The following ST3GAL2 variants were observed in gnomAD, a reference collection of about 807,000 sequenced individuals.
ST3GAL2 encodes the protein ST3 beta-galactoside alpha-2,3-sialyltransferase 2.
Under a neutral mutation model 37.5 loss-of-function variants are expected in ST3GAL2, and 16 were observed. The observed-to-expected ratio is 0.43, with a 90% CI of 0.29 to 0.65. The LOEUF (loss-of-function observed/expected upper bound fraction) is 0.65, where lower values mean the gene tolerates loss of function less well. Ranked by LOEUF, ST3GAL2 falls within the 30% of genes least tolerant of loss-of-function variation. The probability of loss-of-function intolerance (pLI) is 0.17; values close to 1 mark genes in which losing one functional copy is unlikely to be tolerated. For synonymous variants in ST3GAL2, 238 were observed against 202.9 expected, an observed-to-expected ratio of 1.17 and a Z score of -1.47; for missense variants, 383 against 487.8, an observed-to-expected ratio of 0.79 and a Z score of 2.02.
intron 1 of ST3GAL2, among the ~76,000 whole-genome samples, chr16:70,419,260 G>C (rs1364016736): frequency 6.6e-6 from 1 of 152,200 alleles, no homozygotes; most frequent in Non-Finnish European, 1.5e-5. Flanking sequence ...ATATGCTCCA[G>C]AACTTCAGGC....
rs796215080 is a variant in ST3GAL2 at position 70,426,194 on chromosome 16, T to G, written c.-1004+12755A>C. On this transcript the variant is annotated intron_variant, in intron 1 of 6. Transcript: ENST00000342907. ...GGGGGCCAAAGCCTTTTTTTTTTTT[T>G]TTTTTTTTTTTGTTTTTGAGACTGA... Among the ~76,000 whole-genome samples the G allele has an allele frequency of 1.1e-3, 162 of 143,552 alleles. 1 individual carries two copies. Among genetic ancestry groups the G allele is most frequent in the African/African-American group, 3.7e-3 (147 of 39,266 alleles). The allele number at this position is 143,552 out of a possible 152,430, so 94.2% of individuals were successfully genotyped here.
rs576203710 is a variant in ST3GAL2 at position 70,416,131 on chromosome 16, C to G, written c.-1003-16598G>C. 7.9e-5 allele frequency among the ~76,000 whole-genome samples: 12 copies of G among 152,218 alleles called. No individual in the cohort carries two copies. The East Asian group carries it at 2.3e-3, about 29-fold the overall frequency. ...AATCCTACCTCCACTCTCTTCCTCC[C>G]GGATGATCGCAGTGTTGGTTACTGC... is the stretch of plus-strand genomic sequence containing the variant. On this transcript the variant is annotated intron_variant, in intron 1 of 6. Transcript: ENST00000342907.
At chr16:70,386,937 C>A (rs892183316) in intron 4 of ST3GAL2, among the ~76,000 whole-genome samples, 38 of 151,346 alleles carry the variant, frequency 2.5e-4, no homozygotes, top group African/African-American at 8.5e-4. Context: ...AGCCGCAGTG[C>A]CCGGCCATGA....
intron 4 of ST3GAL2, among the ~76,000 whole-genome samples, chr16:70,387,167 A>AAG (rs2047449045): frequency 6.6e-6 from 1 of 152,162 alleles, no homozygotes; most frequent in Admixed American, 6.5e-5. Context: ...GAGGCAGGAT[A>AAG]ATCACTTGAA....
chr16:70,398,118 A>C (rs2047529282), intron 2 of ST3GAL2, 74 bp downstream of exon 2: 1 of 1,508,880 alleles, frequency 6.6e-7, no homozygotes, highest in Non-Finnish European at 9.0e-7. Flanking sequence ...TCTGGGGGCC[A>C]GAAATCCAAG....
At chr16:70,434,037 A>G (rs1262513975) in intron 1 of ST3GAL2, among the ~76,000 whole-genome samples, 3 of 152,062 alleles carry the variant, frequency 2.0e-5, no homozygotes, top group Non-Finnish European at 4.4e-5. Context: ...AACTGGCCAC[A>G]TTTCCACTGT....
chr16:70,413,708 C>T (rs1274120365), intron 1 of ST3GAL2, among the ~76,000 whole-genome samples: 2 of 151,062 alleles, frequency 1.3e-5, no homozygotes, highest in Non-Finnish European at 2.9e-5. Flanking sequence ...TGCACTCCAG[C>T]CTGGGCAACA....
At chr16:70,425,466 C>CA (rs1396798815) in intron 1 of ST3GAL2, among the ~76,000 whole-genome samples, 25 of 143,158 alleles carry the variant, frequency 1.7e-4, no homozygotes, top group African/African-American at 4.8e-4. Context: ...CGTCTCAGGA[C>CA]AAAAAAAAAA....
At chr16:70,391,736 T>C (rs1445714682) in intron 3 of ST3GAL2, among the ~76,000 whole-genome samples, 10 of 152,176 alleles carry the variant, frequency 6.6e-5, no homozygotes, top group Non-Finnish European at 1.2e-4. Context: ...GGCCGGGGCC[T>C]GGGCGGGGCA....
intron 1 of ST3GAL2, among the ~76,000 whole-genome samples, chr16:70,402,649 G>C (rs1056645967): frequency 1.3e-5 from 2 of 152,108 alleles, no homozygotes; most frequent in African/African-American, 4.8e-5. Context: ...GGTGGGTACA[G>C]AAGTATTTTT....
chr16:70,428,173 T>G (rs1393941530), intron 1 of ST3GAL2, among the ~76,000 whole-genome samples: 1 of 152,230 alleles, frequency 6.6e-6, no homozygotes, highest in East Asian at 1.9e-4. Context: ...AGGCTCAGAA[T>G]GAGCTCAGTC....
chr16:70,389,394 C>T (rs1318081762), intron 3 of ST3GAL2, among the ~76,000 whole-genome samples: 5 of 151,842 alleles, frequency 3.3e-5, no homozygotes, highest in African/African-American at 1.2e-4. Context: ...ATCCCCGCCT[C>T]CGCCTCCCAG....
chr16:70,411,034 T>C (rs1214730832), intron 1 of ST3GAL2, among the ~76,000 whole-genome samples: 2 of 152,118 alleles, frequency 1.3e-5, no homozygotes, highest in Non-Finnish European at 2.9e-5. Context: ...ATGGACCAGC[T>C]CAGGTCAATG....
chr16:70,395,317 G>T, intron 2 of ST3GAL2, 142 bp from the exon 3 acceptor site: 1 of 758,724 alleles, frequency 1.3e-6, no homozygotes. Flanking sequence ...AGGGAACAGG[G>T]GTTCTTTCCT....
intron 1 of ST3GAL2, among the ~76,000 whole-genome samples, chr16:70,438,509 G>A (rs192918244): frequency 1.3e-5 from 2 of 152,282 alleles, no homozygotes; most frequent in South Asian, 2.1e-4. Flanking sequence ...GAGGAAAGAG[G>A]AGCTGATGGG....
rs570230594 is a variant in ST3GAL2, at chr16:70,387,292, T to A, written c.713+1075A>T. On this transcript the variant is annotated intron_variant, in intron 4 of 6. Transcript: ENST00000342907. Reference sequence around the variant, plus strand: ...ATTGTGGGCCGGATGTGGTGGCTCATGCCTGTAATCTCAACACGATGGGAG... The same window carrying A: ...ATTGTGGGCCGGATGTGGTGGCTCAAGCCTGTAATCTCAACACGATGGGAG... 2.0e-4 allele frequency among the ~76,000 whole-genome samples: 30 copies of A among 151,906 alleles called. 1 individual carries two copies. The highest frequency in any genetic ancestry group is 8.3e-4 in the South Asian group (4 of 4,818).
At chr16:70,414,474 T>C (rs1412777571) in intron 1 of ST3GAL2, among the ~76,000 whole-genome samples, 1 of 152,202 alleles carries the variant, frequency 6.6e-6, no homozygotes, top group Non-Finnish European at 1.5e-5. Context: ...GTCTTTCACC[T>C]GACTAGTGAA....
At chr16:70,419,824 A>T (rs1000886514) in intron 1 of ST3GAL2, among the ~76,000 whole-genome samples, 4 of 152,098 alleles carry the variant, frequency 2.6e-5, no homozygotes, top group African/African-American at 9.7e-5. Flanking sequence ...CTCTGCCTGT[A>T]ATCTTTCAGT....
chr16:70,405,934 G>A (rs879491845), intron 1 of ST3GAL2, among the ~76,000 whole-genome samples: 88 of 151,848 alleles, frequency 5.8e-4, no homozygotes, highest in Admixed American at 2.6e-3. Context: ...GGTGGCGGGC[G>A]CCTGTGGTCC....
Sources: allele counts gnomAD v4.1 joint callset (sites outside exome capture counted in the v4.1 genomes callset), GRCh38; gene constraint gnomAD v4.1.1; transcripts MANE v1.5; gene names NCBI Gene and HGNC (gene_info 2026-07-23, HGNC 2026-07-21).